The following SDK1 variants were observed in gnomAD, a reference collection of about 807,000 sequenced individuals.
SDK1 encodes the protein sidekick cell adhesion molecule 1.
Under a neutral mutation model 245.5 loss-of-function variants are expected in SDK1, and 157 were observed. That is an observed-to-expected ratio of 0.64 (90% CI 0.56 to 0.73). The LOEUF is 0.73. SDK1 is among the 30% of genes least tolerant of loss of function. SDK1 has a pLI of 0.00. For synonymous variants in SDK1, 1,647 were observed against 1,278.5 expected, an observed-to-expected ratio of 1.29 and a Z score of -6.15; for missense variants, 3,583 against 3,002.3, an observed-to-expected ratio of 1.19 and a Z score of -4.52.
rs57789855 is a variant in SDK1, at chr7:3,413,198, C to T, written c.298+111314C>T. On this transcript the variant is annotated intron_variant, in intron 1 of 44. Transcript: ENST00000404826. ...GTGGCAGTAGCAGGAACAACAACTGCGAAGATCTTGAGCCAAGAGTAGGCC... is the reference window on the plus strand; with the variant it reads ...GTGGCAGTAGCAGGAACAACAACTGTGAAGATCTTGAGCCAAGAGTAGGCC... 2.8e-3 allele frequency among the ~76,000 whole-genome samples: 428 copies of T among 152,118 alleles called. 1 individual carries two copies. Among genetic ancestry groups the T allele is most frequent in the African/African-American group, 9.6e-3 (397 of 41,484 alleles).
chr7:3,751,161 C>G (rs1779762350), intron 4 of SDK1, among the ~76,000 whole-genome samples: 1 of 152,182 alleles, frequency 6.6e-6, no homozygotes. Flanking sequence ...GGCTCTTGCT[C>G]CTGGCATTAC....
chr7:3,565,053 G>C (rs1022617273), intron 1 of SDK1, among the ~76,000 whole-genome samples: 3 of 151,828 alleles, frequency 2.0e-5, no homozygotes, highest in Non-Finnish European at 4.4e-5. Context: ...TCGGTGGTAA[G>C]ATCACATGAC....
At chr7:4,071,580 G>A (rs952185150) in intron 20 of SDK1, among the ~76,000 whole-genome samples, 1 of 152,168 alleles carries the variant, frequency 6.6e-6, no homozygotes, top group Non-Finnish European at 1.5e-5. Flanking sequence ...AGCAGGGGAG[G>A]GCACTATAGA....
At chr7:4,100,295 G>C (rs954045766) in intron 22 of SDK1, among the ~76,000 whole-genome samples, 1 of 152,190 alleles carries the variant, frequency 6.6e-6, no homozygotes, top group Non-Finnish European at 1.5e-5. Context: ...GCCATGGGGG[G>C]CAGACATGGC....
rs527871406 is a variant in SDK1, at chr7:3,529,668, A to T, written c.299-89412A>T. ...GTGGTGGTTGGTTCAAGTGGTAGTT[A>T]TTAATAGACACTAACGTTGGTGTGA... On this transcript the variant is annotated intron_variant, in intron 1 of 44. Transcript: ENST00000404826. 7.6e-4 allele frequency among the ~76,000 whole-genome samples: 116 copies of T among 152,310 alleles called. 1 individual carries two copies. Among genetic ancestry groups the T allele is most frequent in the Admixed American group, 3.7e-3 (56 of 15,300 alleles).
chr7:3,514,813 A>T (rs1271967436), intron 1 of SDK1, among the ~76,000 whole-genome samples: 1 of 152,204 alleles, frequency 6.6e-6, no homozygotes, highest in Non-Finnish European at 1.5e-5. Context: ...ACTAAAGAGA[A>T]ATGAGAGAAT....
At chr7:3,934,985 T>G (rs1780105135) in intron 5 of SDK1, among the ~76,000 whole-genome samples, 1 of 152,222 alleles carries the variant, frequency 6.6e-6, no homozygotes, top group Non-Finnish European at 1.5e-5. Context: ...GGAGGAAGCC[T>G]GGATATTTAT....
At chr7:3,617,338 C>G (rs1360209492) in intron 1 of SDK1, among the ~76,000 whole-genome samples, 1 of 152,188 alleles carries the variant, frequency 6.6e-6, no homozygotes, top group Non-Finnish European at 1.5e-5. Context: ...CCTACAAACA[C>G]TTTAATTTCA....
chr7:4,203,111 C>T (rs1783987473), intron 35 of SDK1, among the ~76,000 whole-genome samples: 1 of 152,226 alleles, frequency 6.6e-6, no homozygotes, highest in Non-Finnish European at 1.5e-5. Flanking sequence ...CTCCAGCCCA[C>T]CCCTTCCCGC....
At chr7:3,823,472 C>T (rs1170199647) in intron 5 of SDK1, among the ~76,000 whole-genome samples, 1 of 152,146 alleles carries the variant, frequency 6.6e-6, no homozygotes, top group Non-Finnish European at 1.5e-5. Context: ...TAGTACTTGC[C>T]TACCTCCCTA....
At chr7:3,338,502 G>A in intron 1 of SDK1, 1 of 473,612 alleles carries the variant, frequency 2.1e-6, no homozygotes. Flanking sequence ...CCAGGGTTCA[G>A]CTGAAGAGCC....
In SDK1 at chr7:3,570,328, A is replaced by T. The variant is rs183837535; in HGVS notation, c.299-48752A>T. Among the ~76,000 whole-genome samples, 10 of 152,244 alleles carry T rather than the reference A, an allele frequency of 6.6e-5. No homozygotes were observed. In the East Asian group the frequency reaches 1.2e-3, roughly 18 times the overall value. On this transcript the variant is annotated intron_variant, in intron 1 of 44. Coordinates refer to ENST00000404826, the MANE Select transcript of SDK1 (RefSeq NM_152744.4). ...TAGATCCCTCACGTGCACAGTTCAC[A>T]GTAGGGTTTATGCCCCTATGAAAAT...
chr7:4,093,713 G>T (rs780529078), intron 22 of SDK1, among the ~76,000 whole-genome samples: 6 of 152,196 alleles, frequency 3.9e-5, no homozygotes, highest in Non-Finnish European at 5.9e-5. Flanking sequence ...CGCATGCCTC[G>T]GTGAAGTCGG....
At chr7:3,314,686 T>C (rs772872007) in intron 1 of SDK1, among the ~76,000 whole-genome samples, 21 of 152,350 alleles carry the variant, frequency 1.4e-4, no homozygotes, top group Middle Eastern at 6.8e-3. Context: ...TGCTGTCTTC[T>C]GTGGAATGAA....
intron 1 of SDK1, among the ~76,000 whole-genome samples, chr7:3,510,143 C>T (rs1294297938): frequency 6.6e-6 from 1 of 152,156 alleles, no homozygotes; most frequent in East Asian, 1.9e-4. Context: ...AGTGTGTTCC[C>T]AGTGCCTGGA....
intron 35 of SDK1, among the ~76,000 whole-genome samples, chr7:4,191,436 G>A: frequency 6.6e-6 from 1 of 152,240 alleles, no homozygotes; most frequent in South Asian, 2.1e-4. Context: ...GCTGCATTTG[G>A]AAAGGCTCCC....
At chr7:3,855,426 T>C (rs116349878) in intron 5 of SDK1, among the ~76,000 whole-genome samples, 2,123 of 152,208 alleles carry the variant, frequency 0.014, 57 homozygotes, top group African/African-American at 0.049. Context: ...CCATTAGAAA[T>C]GGATGAACCT....
chr7:3,685,253 G>T (rs905904046), intron 4 of SDK1, among the ~76,000 whole-genome samples: 6 of 151,964 alleles, frequency 3.9e-5, no homozygotes, highest in African/African-American at 1.2e-4. Context: ...ACTTATAAGG[G>T]CAGGTGAAAA....
chr7:3,682,611 T>G (rs1784138182), intron 4 of SDK1, among the ~76,000 whole-genome samples: 1 of 12,222 alleles, frequency 8.2e-5, no homozygotes, highest in African/African-American at 3.1e-4. Flanking sequence ...TGTTCTTCCT[T>G]TCTTGAGAAT....
Sources: allele counts gnomAD v4.1 joint callset (sites outside exome capture counted in the v4.1 genomes callset), GRCh38; gene constraint gnomAD v4.1.1; transcripts MANE v1.5; gene names NCBI Gene and HGNC (gene_info 2026-07-23, HGNC 2026-07-21).